TRIM44: variants seen among roughly 807,000 people sequenced by gnomAD.
The protein encoded by TRIM44 is tripartite motif containing 44.
A neutral mutation model predicts 37.4 loss-of-function variants in TRIM44; 13 were observed. The ratio of observed to expected loss-of-function variants is 0.35; its 90% CI spans 0.23 to 0.55. The LOEUF (loss-of-function observed/expected upper bound fraction) is 0.55. TRIM44 is among the 20% of genes least tolerant of loss of function. The pLI, the probability that TRIM44 is intolerant of heterozygous loss-of-function variation, is 0.89. For synonymous variants in TRIM44, 175 were observed against 157.2 expected (o/e 1.11, Z -0.85); for missense variants, 426 against 437.2 (o/e 0.97, Z 0.23).
At chr11:35,796,607 C>T (rs772836633) in intron 4 of TRIM44, among the ~76,000 whole-genome samples, 7 of 152,260 alleles carry the variant, frequency 4.6e-5, no homozygotes, top group Non-Finnish European at 1.0e-4. Flanking sequence ...TCTCCACCCC[C>T]TGAAATTGCC....
intron 2 of TRIM44, among the ~76,000 whole-genome samples, chr11:35,685,586 C>T (rs1004856247): frequency 6.6e-6 from 1 of 152,176 alleles, no homozygotes; most frequent in African/African-American, 2.4e-5. Context: ...CATTTTTAAT[C>T]CTCCTTTACC....
intron 4 of TRIM44, among the ~76,000 whole-genome samples, chr11:35,782,376 T>C (rs1048734321): frequency 1.3e-5 from 2 of 152,152 alleles, no homozygotes; most frequent in Admixed American, 1.3e-4. Context: ...TACTTACTCA[T>C]TGTATTAGTT....
At position 35,809,265 on chromosome 11, in the gene TRIM44, G is replaced by A. The variant is rs910900428; in HGVS notation, c.*2880G>A. On this transcript the variant is annotated 3_prime_UTR_variant, in exon 5 of 5. Coordinates refer to ENST00000299413, the MANE Select transcript of TRIM44 (RefSeq NM_017583.6). ...AGAGTCATTTGCTTCAAGTTATACA[G>A]CTAGGAAATACTCAAGCCAAATCTT... 1.1e-4 allele frequency: 16 copies of A among 152,164 alleles called. No homozygotes were observed. The highest frequency in any genetic ancestry group is 1.0e-3 in the Admixed American group (16 of 15,272). 9.4% of individuals were successfully genotyped at this position (152,164 alleles called of 1,614,324 possible).
rs1227796990 is a variant in TRIM44, at chr11:35,809,514, G to A, written c.*3129G>A. 6.6e-6 allele frequency: 1 copy of A among 152,084 alleles called. No homozygotes were observed. Among genetic ancestry groups the A allele is most frequent in the Non-Finnish European group, 1.5e-5 (1 of 68,040 alleles). The allele number at this position is 152,084 out of a possible 1,614,324, so 9.4% of individuals were successfully genotyped here. A position where few individuals can be genotyped will look rare whatever the true frequency, so the allele number is the denominator to read the frequency against. On this transcript the variant is annotated 3_prime_UTR_variant, in exon 5 of 5. Transcript: ENST00000299413. ...TTAGCAGATGCTTTAAGTACACATT[G>A]CTGACTTGAGCCCACCCCCAGGAGT... is the stretch of plus-strand genomic sequence containing the variant.
rs1029118365 is a variant in TRIM44 at position 35,806,344 on chromosome 11, C to T, written c.1008-14C>T. ...TGATATCTTAACTCACCTGGTTCTC[C>T]TTTTCCTTTGTAGTGGTGCCAGTGA... On this transcript the variant is annotated splice_polypyrimidine_tract_variant and intron_variant, in intron 4 of 4. Coordinates refer to ENST00000299413, the MANE Select transcript of TRIM44 (RefSeq NM_017583.6). The T allele has an allele frequency of 2.5e-6, 4 of 1,613,492 alleles. No individual in the cohort carries two copies. In the East Asian group the frequency reaches 6.7e-5, roughly 27 times the overall value.
intron 1 of TRIM44, among the ~76,000 whole-genome samples, chr11:35,671,923 T>C (rs1237016762): frequency 1.3e-5 from 2 of 152,182 alleles, no homozygotes; most frequent in Non-Finnish European, 2.9e-5. Context: ...ATTTATGACT[T>C]CTTACCTGAG....
At chr11:35,805,690 A>G (rs756218781) in intron 4 of TRIM44, among the ~76,000 whole-genome samples, 5 of 152,236 alleles carry the variant, frequency 3.3e-5, no homozygotes, top group Non-Finnish European at 5.9e-5. Context: ...CTAGATATAC[A>G]TAGTTAATAA....
chr11:35,743,344 C>T (rs1353853744), intron 4 of TRIM44, among the ~76,000 whole-genome samples: 3 of 152,134 alleles, frequency 2.0e-5, no homozygotes, highest in East Asian at 1.9e-4. Flanking sequence ...TACAGCATTG[C>T]CCCCTTATAG....
intron 4 of TRIM44, among the ~76,000 whole-genome samples, chr11:35,787,265 C>T (rs951644352): frequency 1.3e-5 from 2 of 152,090 alleles, no homozygotes; most frequent in African/African-American, 4.8e-5. Context: ...GGTCAGCCAG[C>T]GTGTCTGGAA....
At chr11:35,669,420 G>T (rs996259863) in intron 1 of TRIM44, among the ~76,000 whole-genome samples, 1 of 151,968 alleles carries the variant, frequency 6.6e-6, no homozygotes, top group African/African-American at 2.4e-5. Flanking sequence ...AGGGTGAAAA[G>T]GTGAGAGGGT....
chr11:35,729,317 A>G (rs1852223174), intron 3 of TRIM44, among the ~76,000 whole-genome samples: 1 of 152,186 alleles, frequency 6.6e-6, no homozygotes, highest in African/African-American at 2.4e-5. Context: ...TTAATGAGGT[A>G]TCTTTCTCTA....
chr11:35,668,353 C>T (rs1434729630), intron 1 of TRIM44, among the ~76,000 whole-genome samples: 5 of 152,190 alleles, frequency 3.3e-5, no homozygotes, highest in African/African-American at 4.8e-5. Flanking sequence ...CTTTCTGATG[C>T]TCTCCTTCCT....
At chr11:35,690,690 G>T (rs1327793686) in intron 2 of TRIM44, among the ~76,000 whole-genome samples, 2 of 152,204 alleles carry the variant, frequency 1.3e-5, no homozygotes, top group African/African-American at 2.4e-5. Flanking sequence ...GGGAATTTTG[G>T]AGATCATGAG....
At chr11:35,775,556 A>T (rs779324658) in intron 4 of TRIM44, among the ~76,000 whole-genome samples, 3 of 152,202 alleles carry the variant, frequency 2.0e-5, no homozygotes, top group Non-Finnish European at 4.4e-5. Flanking sequence ...CCAGTTTTCG[A>T]AGGGAATGCT....
intron 4 of TRIM44, among the ~76,000 whole-genome samples, chr11:35,759,892 G>C (rs948673453): frequency 6.6e-6 from 1 of 152,172 alleles, no homozygotes; most frequent in South Asian, 2.1e-4. Flanking sequence ...CGTGTGAGGT[G>C]TCAGTCTGCC....
At chr11:35,779,839 A>G (rs777292709) in intron 4 of TRIM44, among the ~76,000 whole-genome samples, 1 of 146,580 alleles carries the variant, frequency 6.8e-6, no homozygotes, top group South Asian at 2.1e-4. Flanking sequence ...TCCCAACACC[A>G]TTTATTGAAT....
rs1178604519 is a variant in TRIM44, at chr11:35,807,120, A to T, written c.*735A>T. On this transcript the variant is annotated 3_prime_UTR_variant, in exon 5 of 5. Transcript: ENST00000299413. ...TTAAAAGTTGAAATCAGTATTTCTG[A>T]ATTCAAATTGCTTGAATTTCCAAAA... The T allele has an allele frequency of 6.6e-6, 1 of 152,232 alleles. No homozygotes were observed. The highest frequency in any genetic ancestry group is 2.4e-5 in the African/African-American group (1 of 41,458). The allele number at this position is 152,232 out of a possible 1,614,324, so 9.4% of individuals were successfully genotyped here. A position where few individuals can be genotyped will look rare whatever the true frequency, so the allele number is the denominator to read the frequency against.
At chr11:35,781,782 C>T (rs565142174) in intron 4 of TRIM44, among the ~76,000 whole-genome samples, 2 of 152,290 alleles carry the variant, frequency 1.3e-5, no homozygotes, top group South Asian at 2.1e-4. Context: ...GTTATGACCT[C>T]GAACATGGAT....
chr11:35,742,581 A>G (rs971547332), intron 4 of TRIM44, among the ~76,000 whole-genome samples: 17 of 132,654 alleles, frequency 1.3e-4, no homozygotes, highest in African/African-American at 3.7e-4. Flanking sequence ...TATATTAATT[A>G]TATTAATTGT....
Sources: gnomAD v4.1 joint callset for allele counts (sites outside exome capture counted in the v4.1 genomes callset) on GRCh38, gnomAD v4.1.1 for gene constraint, MANE v1.5 for transcripts, NCBI Gene and HGNC (gene_info 2026-07-23, HGNC 2026-07-21) for gene names.